The following DDX31 variants were observed in gnomAD, a reference collection of about 807,000 sequenced individuals.
DDX31 encodes the protein DEAD-box helicase 31.
Under a neutral mutation model 91.3 loss-of-function variants are expected in DDX31, and 70 were observed. The ratio of observed to expected loss-of-function variants is 0.77; its 90% CI spans 0.63 to 0.94. The LOEUF (loss-of-function observed/expected upper bound fraction) is 0.94, where lower values mean the gene tolerates loss of function less well. DDX31 is among the 40% of genes least tolerant of loss of function. The pLI, the probability that DDX31 is intolerant of heterozygous loss-of-function variation, is 0.00. For missense variants in DDX31, 902 were observed against 925.0 expected (o/e 0.98, Z 0.32); for synonymous variants, 362 against 350.6 (o/e 1.03, Z -0.36).
chr9:132,632,154 A>C, intron 14 of DDX31, 63 bp from the exon 15 acceptor site: 1 of 1,504,900 alleles, frequency 6.6e-7, no homozygotes, highest in Non-Finnish European at 9.1e-7. Context: ...GGTCCTGGAT[A>C]TGTTTGATAA....
Position 132,603,368 on chromosome 9 carries a change from G to C in DDX31, c.1995-8256C>G, listed in dbSNP as rs1830825379. On this transcript the variant is annotated intron_variant, in intron 19 of 19. Coordinates refer to ENST00000372159, the MANE Select transcript of DDX31 (RefSeq NM_022779.9). ...ATTTCGTACAGGTTATAACAAGATG[G>C]AAAGGCTCTGACATCATGAAGAAGA... 2.6e-5 allele frequency among the ~76,000 whole-genome samples: 4 copies of C among 152,224 alleles called. No homozygotes were observed. In the South Asian group the frequency reaches 8.3e-4, roughly 32 times the overall value.
chr9:132,618,474 T>A, intron 17 of DDX31, 33 bp from the exon 18 acceptor site: 2 of 1,580,068 alleles, frequency 1.3e-6, no homozygotes, highest in Non-Finnish European at 1.7e-6. Context: ...AAAGGAGAGA[T>A]AGAGTCAAGG....
intron 14 of DDX31, among the ~76,000 whole-genome samples, chr9:132,638,934 A>C (rs1833300099): frequency 6.6e-6 from 1 of 152,182 alleles, no homozygotes; most frequent in African/African-American, 2.4e-5. Context: ...AAATGGCAAA[A>C]GGCACAGTAT....
chr9:132,618,221 AG>A (rs1831765120), intron 18 of DDX31, 108 bp downstream of exon 18: 5 of 804,708 alleles, frequency 6.2e-6, no homozygotes, highest in Non-Finnish European at 9.6e-6. Flanking sequence ...GCTGGTGAGC[AG>A]GGACCTCCAT....
intron 3 of DDX31, among the ~76,000 whole-genome samples, chr9:132,662,016 C>A (rs1036764479): frequency 2.6e-5 from 4 of 151,988 alleles, no homozygotes; most frequent in African/African-American, 9.7e-5. Context: ...CTTAAAAAAA[C>A]ACACACACAA....
Position 132,607,830 on chromosome 9 carries a change from A to T in DDX31, c.1994+4257T>A, listed in dbSNP as rs77674648. ...AGGTGTGAGCCACTGTGCCCAGCCT[A>T]ACACTAAGAACTTAAGGCACATCGT... On this transcript the variant is annotated intron_variant, in intron 19 of 19. Coordinates refer to ENST00000372159, the MANE Select transcript of DDX31 (RefSeq NM_022779.9). Among the ~76,000 whole-genome samples the T allele has an allele frequency of 6.6e-3, 1,003 of 152,294 alleles. 11 individuals carry two copies. The highest frequency in any genetic ancestry group is 0.023 in the African/African-American group (965 of 41,554).
At chr9:132,669,645 CGCT>C (rs751514398) in intron 1 of DDX31, 2 of 1,531,212 alleles carry the variant, frequency 1.3e-6, no homozygotes, top group South Asian at 2.4e-5. Context: ...CCCTCCACAC[CGCT>C]CCACTCCCCG....
At chr9:132,653,281 G>T (rs1236314345) in intron 6 of DDX31, among the ~76,000 whole-genome samples, 1 of 151,604 alleles carries the variant, frequency 6.6e-6, no homozygotes, top group Non-Finnish European at 1.5e-5. Context: ...ATCACTTGAG[G>T]TCAGGAGTTT....
intron 17 of DDX31, among the ~76,000 whole-genome samples, chr9:132,623,082 G>A (rs972387947): frequency 2.7e-5 from 4 of 150,152 alleles, no homozygotes; most frequent in South Asian, 2.1e-4. Flanking sequence ...ATAAGCTGAG[G>A]TCACGCCAGT....
chr9:132,638,599 C>T (rs1833273819), intron 14 of DDX31, among the ~76,000 whole-genome samples: 1 of 152,202 alleles, frequency 6.6e-6, no homozygotes, highest in Admixed American at 6.5e-5. Flanking sequence ...TCTTTTGCCC[C>T]CAGCTATGCT....
chr9:132,614,183 G>A (rs773649533), intron 18 of DDX31, among the ~76,000 whole-genome samples: 1 of 152,130 alleles, frequency 6.6e-6, no homozygotes, highest in African/African-American at 2.4e-5. Context: ...AAGGATCCTG[G>A]GGAATCCATC....
intron 14 of DDX31, chr9:132,638,204 A>G (rs1343514873): frequency 2.0e-6 from 3 of 1,494,732 alleles, no homozygotes; most frequent in East Asian, 2.4e-5. Flanking sequence ...AATCAAGGAC[A>G]GCCACCGGAG....
intron 14 of DDX31, among the ~76,000 whole-genome samples, chr9:132,639,354 C>T (rs778050744): frequency 5.3e-5 from 8 of 152,100 alleles, no homozygotes; most frequent in Non-Finnish European, 1.0e-4. Flanking sequence ...CTTCACTACA[C>T]AGCAAAGAGA....
At chr9:132,630,828 G>C (rs560779023) in intron 15 of DDX31, among the ~76,000 whole-genome samples, 4 of 152,338 alleles carry the variant, frequency 2.6e-5, no homozygotes, top group South Asian at 2.1e-4. Flanking sequence ...GAGGTGTCCA[G>C]AGGACACTGG....
intron 14 of DDX31, among the ~76,000 whole-genome samples, chr9:132,640,773 G>A (rs1833454795): frequency 1.3e-5 from 2 of 152,148 alleles, no homozygotes; most frequent in Admixed American, 1.3e-4. Context: ...CTCCCAAAGT[G>A]GTGGGCTGGT....
intron 14 of DDX31, among the ~76,000 whole-genome samples, chr9:132,638,679 A>G (rs1833281847): frequency 6.6e-6 from 1 of 152,222 alleles, no homozygotes; most frequent in East Asian, 1.9e-4. Context: ...CCACATTATC[A>G]GGACTTGCGA....
chr9:132,644,547 G>A (rs1028881916), intron 13 of DDX31, among the ~76,000 whole-genome samples: 11 of 152,182 alleles, frequency 7.2e-5, no homozygotes, highest in Non-Finnish European at 7.3e-5. Context: ...TAAACAGCAC[G>A]CTAGACTACT....
chr9:132,628,489 C>T lies in DDX31; in HGVS notation c.1631+1775G>A, dbSNP rs116625404. ...ATGTCTTTAAAATATACCTGACTCCCTAATACTTCGTGCCTTTGCTAATCA... is the reference window on the plus strand; with the variant it reads ...ATGTCTTTAAAATATACCTGACTCCTTAATACTTCGTGCCTTTGCTAATCA... On this transcript the variant is annotated intron_variant, in intron 16 of 19. Transcript: ENST00000372159. Among the ~76,000 whole-genome samples the T allele has an allele frequency of 2.5e-3, 386 of 152,330 alleles. 2 individuals carry two copies. Among genetic ancestry groups the T allele is most frequent in the African/African-American group, 8.5e-3 (352 of 41,578 alleles).
intron 16 of DDX31, among the ~76,000 whole-genome samples, chr9:132,628,499 G>T (rs937049985): frequency 6.6e-6 from 1 of 152,120 alleles, no homozygotes; most frequent in Non-Finnish European, 1.5e-5. Flanking sequence ...CTAATACTTC[G>T]TGCCTTTGCT....
Sources: gnomAD v4.1 joint callset for allele counts (sites outside exome capture counted in the v4.1 genomes callset) on GRCh38, gnomAD v4.1.1 for gene constraint, MANE v1.5 for transcripts, NCBI Gene and HGNC (gene_info 2026-07-23, HGNC 2026-07-21) for gene names.